Variants in NDP observed in about 807,000 individuals in gnomAD.
The protein encoded by NDP is norrin cystine knot growth factor NDP.
NDP carries 2 observed loss-of-function variants against 8.4 expected under a neutral mutation model. The ratio of observed to expected loss-of-function variants is 0.24; its 90% CI spans 0.10 to 0.75. The LOEUF (loss-of-function observed/expected upper bound fraction) is 0.75, where lower values mean the gene tolerates loss of function less well. NDP is among the 30% of genes least tolerant of loss of function. The pLI is 0.73. For missense variants in NDP, 81 were observed against 110.1 expected, an observed-to-expected ratio of 0.74 and a Z score of 1.18; for synonymous variants, 55 against 45.6, an observed-to-expected ratio of 1.21 and a Z score of -0.83.
At chrX:43,958,135 C>G (rs1024096532) in intron 2 of NDP, among the ~76,000 whole-genome samples, 4 of 111,144 alleles carry the variant, frequency 3.6e-5, no homozygotes, top group African/African-American at 9.8e-5. Flanking sequence ...CATTCTCTTC[C>G]TCTTTATTGA....
In NDP at chrX:43,949,441, C is replaced by A; in HGVS notation, c.*358G>T. ...TCTACTTTCCAAAGTAAATTCTTCC[C>A]CAGCGTGCACCAAACACTGACAGCC... is the stretch of plus-strand genomic sequence containing the variant. On this transcript the variant is annotated 3_prime_UTR_variant, in exon 3 of 3. Transcript: ENST00000642620. 4.7e-6 allele frequency: 1 copy of A among 211,315 alleles called. No individual in the cohort carries two copies. Among genetic ancestry groups the A allele is most frequent in the South Asian group, 1.1e-4 (1 of 8,962 alleles). The allele number at this position is 211,315 out of a possible 1,213,427, so 17.4% of individuals were successfully genotyped here. A position where few individuals can be genotyped will look rare whatever the true frequency, so the allele number is the denominator to read the frequency against.
chrX:43,959,606 T>C (rs1210012754), intron 1 of NDP, among the ~76,000 whole-genome samples: 1 of 111,564 alleles, frequency 9.0e-6, no homozygotes, highest in Non-Finnish European at 1.9e-5. Context: ...AATAGGATCA[T>C]ATTATACCGG....
rs954008363 is a variant in NDP at position 43,949,074 on chromosome X, C to T, written c.*725G>A. 8.8e-6 allele frequency: 1 copy of T among 113,152 alleles called. No individual in the cohort carries two copies. The highest frequency in any genetic ancestry group is 1.9e-5 in the Non-Finnish European group (1 of 53,994). The allele number at this position is 113,152 out of a possible 1,213,427, so 9.3% of individuals were successfully genotyped here. ...AGTCAGTGCAGGATCCGTATTTGTGCAAGTCTTTAAAAGTCTGCTCCCTTA... is the reference window on the plus strand; with the variant it reads ...AGTCAGTGCAGGATCCGTATTTGTGTAAGTCTTTAAAAGTCTGCTCCCTTA... On this transcript the variant is annotated 3_prime_UTR_variant, in exon 3 of 3. Transcript: ENST00000642620.
rs762339635 is a variant in NDP, at chrX:43,958,489, A to G, written c.157T>C (p.Tyr53His). 1 of 1,210,703 alleles carries G rather than the reference A, an allele frequency of 8.3e-7. No homozygotes were observed. The highest frequency in any genetic ancestry group is 1.1e-6 in the Non-Finnish European group (1 of 895,158). ...GGTCTTACCTTTGAGCTACACTTGT[A>G]CAATGGGTGACTGATAGAATCCACA... ...HYVDSISHPL[Y>H]KCSSKMVLLA... Residue 53 changes from tyrosine to histidine, a missense_variant, in exon 2 of 3, where the codon TAC (tyrosine) becomes CAC (histidine). Physicochemically the swap from Tyr to His is moderately conservative, Grantham distance 83. Coordinates refer to ENST00000642620, the MANE Select transcript of NDP (RefSeq NM_000266.4).
chrX:43,953,576 G>T (rs376486474), intron 2 of NDP, among the ~76,000 whole-genome samples: 5 of 112,311 alleles, frequency 4.5e-5, no homozygotes, highest in African/African-American at 6.5e-5. Context: ...CCATCATTTC[G>T]CTAATAAGAA....
At chrX:43,966,812 C>T (rs2035860208) in intron 1 of NDP, among the ~76,000 whole-genome samples, 2 of 111,286 alleles carry the variant, frequency 1.8e-5, no homozygotes, top group South Asian at 3.8e-4. Context: ...TCCAAAGCTG[C>T]GTTTGAACCT....
chrX:43,956,620 T>C (rs1181819613), intron 2 of NDP, among the ~76,000 whole-genome samples: 2 of 111,907 alleles, frequency 1.8e-5, no homozygotes, highest in Admixed American at 1.9e-4. Context: ...GTCTGGGTAG[T>C]TGAGATTTTG....
At chrX:43,972,707 C>T (rs1476604568) in intron 1 of NDP, among the ~76,000 whole-genome samples, 2 of 112,492 alleles carry the variant, frequency 1.8e-5, no homozygotes, top group Non-Finnish European at 3.8e-5. Flanking sequence ...AAGACCTGCA[C>T]GCTGAAAGAA....
chrX:43,958,398 T>C, intron 2 of NDP, 74 bp downstream of exon 2: 4 of 1,119,860 alleles, frequency 3.6e-6, no homozygotes, highest in South Asian at 3.6e-5. Flanking sequence ...TAGTTCTCCA[T>C]CCCCTGACAA....
intron 1 of NDP, among the ~76,000 whole-genome samples, chrX:43,960,171 A>G (rs1302094448): frequency 9.0e-6 from 1 of 111,651 alleles, no homozygotes; most frequent in Non-Finnish European, 1.9e-5. Flanking sequence ...GGGAAGTCCT[A>G]TAAATTGCAG....
chrX:43,972,748 G>A (rs1456993188), intron 1 of NDP, among the ~76,000 whole-genome samples: 1 of 112,749 alleles, frequency 8.9e-6, no homozygotes, highest in Non-Finnish European at 1.9e-5. Flanking sequence ...CCTGCAAAGC[G>A]TGACACAGAA....
At chrX:43,964,242 G>T (rs1030988886) in intron 1 of NDP, among the ~76,000 whole-genome samples, 12 of 111,773 alleles carry the variant, frequency 1.1e-4, no homozygotes, top group Admixed American at 1.0e-3. Context: ...GCTCAGCAGT[G>T]GGGGTGATGG....
chrX:43,965,158 T>C (rs1471600667), intron 1 of NDP, among the ~76,000 whole-genome samples: 1 of 112,182 alleles, frequency 8.9e-6, no homozygotes, highest in Non-Finnish European at 1.9e-5. Flanking sequence ...CTCATGCCTG[T>C]AAACCCAGCA....
chrX:43,970,025 G>A (rs2035883023), intron 1 of NDP, among the ~76,000 whole-genome samples: 1 of 112,247 alleles, frequency 8.9e-6, no homozygotes, highest in Non-Finnish European at 1.9e-5. Flanking sequence ...TATATAGCCA[G>A]CCAGCTGTTC....
intron 2 of NDP, chrX:43,954,453 C>T (rs1389226187): frequency 9.0e-6 from 1 of 111,294 alleles, no homozygotes; most frequent in African/African-American, 3.3e-5. Flanking sequence ...CCTCTCTCCC[C>T]ATTTTCTTGT....
intron 2 of NDP, among the ~76,000 whole-genome samples, chrX:43,955,018 A>G (rs1399293479): frequency 9.0e-6 from 1 of 111,110 alleles, no homozygotes; most frequent in East Asian, 2.8e-4. Flanking sequence ...TCCTCCACTC[A>G]TCTGGGAAGG....
At chrX:43,962,745 G>A (rs778485167) in intron 1 of NDP, among the ~76,000 whole-genome samples, 1 of 111,674 alleles carries the variant, frequency 9.0e-6, no homozygotes, top group African/African-American at 3.3e-5. Flanking sequence ...CTTGGCCGAC[G>A]TACAGAGCCC....
At chrX:43,953,502 T>G (rs1034701094) in intron 2 of NDP, 7 of 112,656 alleles carry the variant, frequency 6.2e-5, no homozygotes, top group African/African-American at 2.3e-4. Flanking sequence ...GCCCACACTT[T>G]GAGTAGCAGG....
chrX:43,952,713 C>G, intron 2 of NDP, among the ~76,000 whole-genome samples: 1 of 112,332 alleles, frequency 8.9e-6, no homozygotes, highest in East Asian at 2.8e-4. Context: ...GTGGGGCCAC[C>G]TCCAATGGGC....
Sources: allele counts gnomAD v4.1 joint callset (sites outside exome capture counted in the v4.1 genomes callset), GRCh38; gene constraint gnomAD v4.1.1; transcripts MANE v1.5; gene names NCBI Gene and HGNC (gene_info 2026-07-23, HGNC 2026-07-21).